The following LDLRAD4 variants were observed in gnomAD, a reference collection of about 807,000 sequenced individuals.
LDLRAD4 encodes the protein low-density lipoprotein receptor class A domain-containing protein 4.
In LDLRAD4, 5 loss-of-function variants were observed where a neutral mutation model predicts 17.0. The ratio of observed to expected loss-of-function variants is 0.29; its 90% confidence interval spans 0.15 to 0.62. The LOEUF is 0.62. LDLRAD4 is among the 20% of genes least tolerant of loss of function. LDLRAD4 has a pLI of 0.84. For synonymous variants in LDLRAD4, 168 were observed against 171.8 expected, an observed-to-expected ratio of 0.98 and a Z score of 0.17; for missense variants, 340 against 424.7, an observed-to-expected ratio of 0.80 and a Z score of 1.75.
intron 3 of LDLRAD4, among the ~76,000 whole-genome samples, chr18:13,533,740 T>C (rs567215465): frequency 2.6e-4 from 39 of 152,252 alleles, no homozygotes; most frequent in Non-Finnish European, 4.3e-4. Flanking sequence ...ATGGGTATTT[T>C]TGAATTGAGT....
chr18:13,447,802 G>T (rs1027728299), intron 3 of LDLRAD4, among the ~76,000 whole-genome samples: 2 of 152,192 alleles, frequency 1.3e-5, no homozygotes, highest in African/African-American at 4.8e-5. Context: ...TTTGCCATCC[G>T]CTGGGCCGTG....
chr18:13,301,458 T>TG, intron 1 of LDLRAD4, among the ~76,000 whole-genome samples: 1 of 152,020 alleles, frequency 6.6e-6, no homozygotes, highest in Admixed American at 6.5e-5. Context: ...AAGATTCTCT[T>TG]AACAGAGCTC....
chr18:13,641,734 A>G, intron 4 of LDLRAD4: 3 of 984,332 alleles, frequency 3.0e-6, no homozygotes, highest in Non-Finnish European at 3.6e-6. Context: ...CGGCAAGGGG[A>G]GCGGGGCGCT....
intron 2 of LDLRAD4, chr18:13,421,147 A>AGGCTGCCGGTTCCAGCCCT (rs2089411307): frequency 6.6e-6 from 1 of 152,430 alleles, no homozygotes; most frequent in African/African-American, 2.4e-5. Context: ...GATGTCCACC[A>AGGCTGCCGGTTCCAGCCCT]GGCTGCCGGT....
At position 13,340,160 on chromosome 18, in the gene LDLRAD4, C is replaced by G. The variant is rs188450405; in HGVS notation, c.-382-47181C>G. Among the ~76,000 whole-genome samples the G allele has an allele frequency of 2.5e-4, 38 of 152,306 alleles. 1 individual carries two copies. The East Asian group carries it at 6.6e-3, about 26-fold the overall frequency. ...TGTATATGCCACATTTTGTTTATCC[C>G]TTCATCCATTGATGAACACTTGGGT... On this transcript the variant is annotated intron_variant, in intron 1 of 5. Transcript: ENST00000359446.
At chr18:13,547,502 G>C (rs2094382078) in intron 3 of LDLRAD4, among the ~76,000 whole-genome samples, 1 of 152,186 alleles carries the variant, frequency 6.6e-6, no homozygotes, top group Admixed American at 6.5e-5. Context: ...ACTCGACCTG[G>C]CAGGCTGCAC....
intron 3 of LDLRAD4, among the ~76,000 whole-genome samples, chr18:13,603,724 G>A (rs1430770518): frequency 6.6e-6 from 1 of 152,220 alleles, no homozygotes; most frequent in Non-Finnish European, 1.5e-5. Context: ...CAGCACATCC[G>A]TCACTGGTGC....
chr18:13,361,111 CG>C (rs2083637966), intron 1 of LDLRAD4, among the ~76,000 whole-genome samples: 1 of 152,170 alleles, frequency 6.6e-6, no homozygotes, highest in Non-Finnish European at 1.5e-5. Flanking sequence ...TCAGGAAGAC[CG>C]TCAGCAGGGG....
chr18:13,320,348 C>T (rs1347268375), intron 1 of LDLRAD4, among the ~76,000 whole-genome samples: 1 of 152,120 alleles, frequency 6.6e-6, no homozygotes, highest in Non-Finnish European at 1.5e-5. Context: ...TTTACGTTTC[C>T]GCTGCCTCTC....
chr18:13,564,580 T>TC, intron 3 of LDLRAD4, among the ~76,000 whole-genome samples: 1 of 82,460 alleles, frequency 1.2e-5, no homozygotes, highest in South Asian at 5.1e-4. Flanking sequence ...TCCCATTTTC[T>TC]AAAAAAAAAA....
Position 13,622,893 on chromosome 18 carries a change from C to T in LDLRAD4, c.336+1622C>T, listed in dbSNP as rs992670053. Among the ~76,000 whole-genome samples the T allele has an allele frequency of 7.2e-5, 11 of 152,182 alleles. No homozygotes were observed. Among genetic ancestry groups the T allele is most frequent in the South Asian group, 2.1e-4 (1 of 4,832 alleles). The stretch of plus-strand genomic sequence containing the variant: ...GGCCTTCTCTCCAGGAGCTCCAGAA[C>T]GCTTGGGGTCTCTGTGCGCAGGCAC... On this transcript the variant is annotated intron_variant, in intron 4 of 5. Transcript: ENST00000359446. This position sits in a 1 kb window ranked among gnomAD's most constrained non-coding sequence, Gnocchi z 5.3.
chr18:13,602,433 A>G (rs1016629109), intron 3 of LDLRAD4, among the ~76,000 whole-genome samples: 2 of 151,694 alleles, frequency 1.3e-5, no homozygotes, highest in African/African-American at 4.8e-5. Flanking sequence ...TTTGGGAATC[A>G]TCATTGGTGG....
chr18:13,433,897 A>G lies in LDLRAD4; in HGVS notation c.41-4347A>G, dbSNP rs147467270. Among the ~76,000 whole-genome samples the G allele has an allele frequency of 2.6e-3, 403 of 152,308 alleles. 1 individual carries two copies. Among genetic ancestry groups the G allele is most frequent in the African/African-American group, 9.5e-3 (393 of 41,558 alleles). On this transcript the variant is annotated intron_variant, in intron 2 of 5. Transcript: ENST00000359446. ...ACTGGCTGATGTTAGTTTGTACACAACTAGAATGACCTTCAGGACAAAAAA... is the reference window on the plus strand; with the variant it reads ...ACTGGCTGATGTTAGTTTGTACACAGCTAGAATGACCTTCAGGACAAAAAA...
At chr18:13,403,728 A>ACTGCG (rs1253616769) in intron 2 of LDLRAD4, among the ~76,000 whole-genome samples, 2 of 152,216 alleles carry the variant, frequency 1.3e-5, no homozygotes, top group East Asian at 3.8e-4. Flanking sequence ...TCCTCGTGGG[A>ACTGCG]CTGCGTGTCT....
intron 3 of LDLRAD4, among the ~76,000 whole-genome samples, chr18:13,572,693 AT>A (rs1452687314): frequency 6.6e-6 from 1 of 152,184 alleles, no homozygotes; most frequent in Non-Finnish European, 1.5e-5. Context: ...AGAGATCACC[AT>A]TTTTTAGTTA....
intron 2 of LDLRAD4, among the ~76,000 whole-genome samples, chr18:13,428,557 C>A (rs556396360): frequency 1.3e-5 from 2 of 152,298 alleles, no homozygotes; most frequent in East Asian, 3.9e-4. Context: ...TCAGCAGGAA[C>A]ATCCTGACTG....
At chr18:13,322,378 C>G (rs1400702236) in intron 1 of LDLRAD4, among the ~76,000 whole-genome samples, 3 of 146,542 alleles carry the variant, frequency 2.0e-5, no homozygotes, top group Non-Finnish European at 4.4e-5. Context: ...TGGCTCACTG[C>G]AACCTCCACC....
intron 1 of LDLRAD4, among the ~76,000 whole-genome samples, chr18:13,304,747 A>G (rs2046810569): frequency 6.6e-6 from 1 of 152,204 alleles, no homozygotes; most frequent in African/African-American, 2.4e-5. Flanking sequence ...TTTCCATTTT[A>G]TGAAACTCCT....
At chr18:13,286,837 G>C (rs1394585119) in intron 1 of LDLRAD4, among the ~76,000 whole-genome samples, 1 of 152,188 alleles carries the variant, frequency 6.6e-6, no homozygotes, top group Non-Finnish European at 1.5e-5. Context: ...CTGTGGAGAA[G>C]AGGCCTGGGG....
Sources: allele counts gnomAD v4.1 joint callset (sites outside exome capture counted in the v4.1 genomes callset), GRCh38; gene constraint gnomAD v4.1.1; non-coding constraint Gnocchi (gnomAD v3.1); transcripts MANE v1.5; gene names NCBI Gene and HGNC (gene_info 2026-07-23, HGNC 2026-07-21).